FBXL17: variants seen among roughly 807,000 people sequenced by gnomAD.
FBXL17 encodes the protein F-box and leucine rich repeat protein 17, also known as F-box/LRR-repeat protein 17.
A neutral mutation model predicts 66.2 loss-of-function variants in FBXL17; 22 were observed. The ratio of observed to expected loss-of-function variants is 0.33; its 90% CI spans 0.24 to 0.47. FBXL17 has a LOEUF of 0.47. FBXL17 is among the 20% of genes least tolerant of loss of function. The probability of loss-of-function intolerance (pLI) is 1.00; values close to 1 mark genes in which losing one functional copy is unlikely to be tolerated. For synonymous variants in FBXL17, 474 were observed against 400.5 expected (o/e 1.18, Z -2.19); for missense variants, 878 against 948.2 (o/e 0.93, Z 0.97).
intron 1 of FBXL17, among the ~76,000 whole-genome samples, chr5:108,369,613 T>G (rs1423735049): frequency 1.3e-5 from 2 of 151,348 alleles, no homozygotes; most frequent in Non-Finnish European, 2.9e-5. Context: ...AAATATATAA[T>G]ATAAAAATAA....
At chr5:108,314,996 C>T (rs569267398) in intron 4 of FBXL17, among the ~76,000 whole-genome samples, 1 of 150,828 alleles carries the variant, frequency 6.6e-6, no homozygotes, top group African/African-American at 2.4e-5. Context: ...AAATTCTAAA[C>T]AACAAACACC....
chr5:108,356,107 G>C (rs1405592613), intron 3 of FBXL17, among the ~76,000 whole-genome samples: 1 of 152,182 alleles, frequency 6.6e-6, no homozygotes, highest in Non-Finnish European at 1.5e-5. Flanking sequence ...GACAGAGCAG[G>C]CTTCAAAGCA....
chr5:108,095,572 AATTT>A (rs1424459291), intron 6 of FBXL17, among the ~76,000 whole-genome samples: 1 of 152,164 alleles, frequency 6.6e-6, no homozygotes, highest in African/African-American at 2.4e-5. Flanking sequence ...CTGTTTTGAT[AATTT>A]ATTGACAATT....
chr5:107,957,354 G>T (rs1471903852), intron 7 of FBXL17, among the ~76,000 whole-genome samples: 2 of 151,934 alleles, frequency 1.3e-5, no homozygotes, highest in African/African-American at 4.8e-5. Flanking sequence ...TCTAACACTG[G>T]AATGGAGAAA....
At chr5:108,335,358 GTTTT>G (rs200009710) in intron 4 of FBXL17, among the ~76,000 whole-genome samples, 1 of 140,542 alleles carries the variant, frequency 7.1e-6, no homozygotes, top group Non-Finnish European at 1.6e-5. Context: ...AAAAAAATAC[GTTTT>G]TTTTTTAAAT....
intron 7 of FBXL17, among the ~76,000 whole-genome samples, chr5:107,920,584 A>C (rs1750282194): frequency 6.6e-6 from 1 of 152,210 alleles, no homozygotes; most frequent in South Asian, 2.1e-4. Context: ...AATATTTCTT[A>C]GGTGGTCAAC....
At chr5:108,298,896 A>G in intron 4 of FBXL17, 1 of 934,770 alleles carries the variant, frequency 1.1e-6, no homozygotes, top group East Asian at 1.2e-4. Context: ...CCTTTTTTCC[A>G]TATCCACATT....
chr5:108,108,715 C>T (rs1749906989), intron 6 of FBXL17, among the ~76,000 whole-genome samples: 1 of 151,344 alleles, frequency 6.6e-6, no homozygotes, highest in East Asian at 1.9e-4. Flanking sequence ...TTACTTAAAA[C>T]AAGGCAAGTT....
In FBXL17 at chr5:107,924,362, G is replaced by C. The variant is rs138456459; in HGVS notation, c.1823-43183C>G. ...CAGAGAGCCATATACATTTCTAACT[G>C]GGTACAAGGAGTCTTATTAGAAAAT... On this transcript the variant is annotated intron_variant, in intron 7 of 8. Coordinates refer to ENST00000542267, the MANE Select transcript of FBXL17 (RefSeq NM_001163315.3). Among the ~76,000 whole-genome samples, 98 of 152,218 alleles carry C rather than the reference G, an allele frequency of 6.4e-4. 1 individual carries two copies. In the East Asian group the frequency reaches 0.011, roughly 16 times the overall value.
intron 1 of FBXL17, among the ~76,000 whole-genome samples, chr5:108,373,894 G>C (rs1055043373): frequency 1.3e-5 from 2 of 152,108 alleles, no homozygotes; most frequent in African/African-American, 4.8e-5. Flanking sequence ...TTCCAGCCTG[G>C]ACAACAGACT....
chr5:108,371,214 T>C (rs1245956850), intron 1 of FBXL17, among the ~76,000 whole-genome samples: 9 of 152,190 alleles, frequency 5.9e-5, no homozygotes, highest in South Asian at 4.1e-4. Context: ...AGCTGCAATA[T>C]AGACCCCAAA....
At chr5:108,331,562 ATAGCACTTC>A (rs1305638244) in intron 4 of FBXL17, among the ~76,000 whole-genome samples, 3 of 152,268 alleles carry the variant, frequency 2.0e-5, no homozygotes, top group Non-Finnish European at 2.9e-5. Context: ...TATTAAATCA[ATAGCACTTC>A]TAGCAATCAA....
At chr5:107,880,355 A>C (rs1748747598) in intron 8 of FBXL17, 2 of 985,374 alleles carry the variant, frequency 2.0e-6, no homozygotes, top group Non-Finnish European at 1.2e-6. Context: ...CTGGGATTAC[A>C]GGTGTCAGTA....
intron 4 of FBXL17, among the ~76,000 whole-genome samples, chr5:108,224,431 C>T (rs1000391206): frequency 6.6e-6 from 1 of 151,924 alleles, no homozygotes; most frequent in Non-Finnish European, 1.5e-5. Flanking sequence ...TTCTTATCAC[C>T]CCATGTTTTT....
intron 6 of FBXL17, among the ~76,000 whole-genome samples, chr5:108,150,406 G>A (rs1452361267): frequency 2.6e-5 from 4 of 152,006 alleles, no homozygotes; most frequent in African/African-American, 4.8e-5. Context: ...GTCTCCCTAC[G>A]GTGCCCAGGC....
chr5:107,955,863 G>T (rs1751646485), intron 7 of FBXL17, among the ~76,000 whole-genome samples: 2 of 152,152 alleles, frequency 1.3e-5, no homozygotes, highest in East Asian at 3.9e-4. Context: ...TCAAGAGAAA[G>T]GTTCCTCAAA....
At chr5:108,336,573 A>G (rs1485294081) in intron 4 of FBXL17, among the ~76,000 whole-genome samples, 1 of 152,178 alleles carries the variant, frequency 6.6e-6, no homozygotes, top group Non-Finnish European at 1.5e-5. Flanking sequence ...GAAAATATAT[A>G]ACAGGTAATC....
At chr5:108,075,434 C>A (rs1456435792) in intron 6 of FBXL17, among the ~76,000 whole-genome samples, 1 of 152,184 alleles carries the variant, frequency 6.6e-6, no homozygotes, top group East Asian at 1.9e-4. Context: ...AACAGATAAA[C>A]TTTACTTTTT....
intron 4 of FBXL17, among the ~76,000 whole-genome samples, chr5:108,333,870 A>G (rs1760252033): frequency 1.3e-5 from 2 of 152,186 alleles, no homozygotes; most frequent in Non-Finnish European, 2.9e-5. Flanking sequence ...AATTTATTCA[A>G]AATTACTTAG....
Sources: allele counts gnomAD v4.1 joint callset (sites outside exome capture counted in the v4.1 genomes callset), GRCh38; gene constraint gnomAD v4.1.1; transcripts MANE v1.5; gene names NCBI Gene and HGNC (gene_info 2026-07-23, HGNC 2026-07-21).